ADGRG7: variants seen among roughly 807,000 people sequenced by gnomAD.
ADGRG7 encodes the protein adhesion G protein-coupled receptor G7, also known as G-protein coupled receptor 128.
Under a neutral mutation model 88.6 loss-of-function variants are expected in ADGRG7, and 82 were observed. That is an observed-to-expected ratio of 0.93 (90% confidence interval 0.77 to 1.11). The LOEUF (loss-of-function observed/expected upper bound fraction) is 1.11, where lower values mean the gene tolerates loss of function less well. Ranked by LOEUF, ADGRG7 falls within the 50% of genes most tolerant of loss-of-function variation. The pLI is 0.00. For synonymous variants in ADGRG7, 381 were observed against 345.2 expected (o/e 1.10, Z -1.15); for missense variants, 945 against 953.4 (o/e 0.99, Z 0.12).
At chr3:100,642,854 G>C (rs1393113184) in intron 6 of ADGRG7, among the ~76,000 whole-genome samples, 1 of 152,244 alleles carries the variant, frequency 6.6e-6, no homozygotes, top group Non-Finnish European at 1.5e-5. Flanking sequence ...ATCCTAAGGG[G>C]TTTGGGTGAG....
chr3:100,691,064 C>T (rs952197138), intron 15 of ADGRG7, among the ~76,000 whole-genome samples: 20 of 152,338 alleles, frequency 1.3e-4, no homozygotes, highest in South Asian at 4.1e-4. Context: ...TCAGCAATGG[C>T]GGGCGCCCCT....
At chr3:100,690,587 G>T (rs537187635) in intron 15 of ADGRG7, among the ~76,000 whole-genome samples, 1 of 152,214 alleles carries the variant, frequency 6.6e-6, no homozygotes, top group African/African-American at 2.4e-5. Context: ...CCTTCTAACA[G>T]TCAGGACCCT....
At chr3:100,635,898 T>A in intron 5 of ADGRG7, 72 bp downstream of exon 5, 1 of 1,106,864 alleles carries the variant, frequency 9.0e-7, no homozygotes, top group South Asian at 1.5e-5. Flanking sequence ...GAAAGAGAGA[T>A]GTCCTGAATA....
chr3:100,688,104 G>A (rs920287892), intron 15 of ADGRG7, among the ~76,000 whole-genome samples: 35 of 152,238 alleles, frequency 2.3e-4, no homozygotes, highest in Non-Finnish European at 4.3e-4. Context: ...GTTTAGTCTT[G>A]GGAGAGTGTA....
intron 1 of ADGRG7, among the ~76,000 whole-genome samples, chr3:100,610,915 G>C (rs1718286): frequency 0.92 from 139,752 of 152,162 alleles, 65,421 homozygotes; most frequent in East Asian, 1. Flanking sequence ...CAAAGATCCA[G>C]TGTTGAAGAC....
intron 15 of ADGRG7, among the ~76,000 whole-genome samples, chr3:100,692,513 C>T (rs1353579675): frequency 6.6e-6 from 1 of 152,016 alleles, no homozygotes; most frequent in Non-Finnish European, 1.5e-5. Context: ...AGGTTCGTAA[C>T]AAAGTGTTAA....
At position 100,646,108 on chromosome 3, in the gene ADGRG7, G is replaced by A. The variant is rs572369486; in HGVS notation, c.1110G>A (p.Lys370=). The change falls in exon 9 of 16, where the codon AAG becomes AAA. Residue 370 remains lysine, a splice_region_variant and synonymous_variant. Transcript: ENST00000273352. ...SASVDMVFSP[K]YNQKEFQLYS... The stretch of plus-strand genomic sequence containing the variant: ...CTGTTGACATGGTCTTTAGTCCAAA[G>A]GTGAGTTTTTCATTGCAGATGCAAG... 2 of 1,603,628 alleles carry A rather than the reference G, an allele frequency of 1.2e-6. No individual in the cohort carries two copies. The highest frequency in any genetic ancestry group is 4.5e-5 in the East Asian group (2 of 44,210).
intron 1 of ADGRG7, among the ~76,000 whole-genome samples, chr3:100,621,841 C>T (rs1707315544): frequency 6.6e-6 from 1 of 152,200 alleles, no homozygotes; most frequent in South Asian, 2.1e-4. Flanking sequence ...CAACAAACAT[C>T]TGGCTCCAAA....
At chr3:100,613,722 A>G (rs1168697663) in intron 1 of ADGRG7, among the ~76,000 whole-genome samples, 1 of 152,186 alleles carries the variant, frequency 6.6e-6, no homozygotes, top group African/African-American at 2.4e-5. Context: ...TTAGTGGATT[A>G]TTCCTGGATT....
chr3:100,617,370 T>TC (rs1363358881), intron 1 of ADGRG7, among the ~76,000 whole-genome samples: 2 of 110,134 alleles, frequency 1.8e-5, no homozygotes, highest in East Asian at 6.3e-4. Flanking sequence ...TCCCTTCCCC[T>TC]CCCCCCACCC....
intron 14 of ADGRG7, among the ~76,000 whole-genome samples, chr3:100,666,137 G>T (rs1017019146): frequency 6.6e-6 from 1 of 151,138 alleles, no homozygotes; most frequent in Non-Finnish European, 1.5e-5. Context: ...TGCAACCTCC[G>T]CCTTGAAGGG....
intron 15 of ADGRG7, among the ~76,000 whole-genome samples, chr3:100,684,257 C>CTATTTATT (rs61090159): frequency 0.51 from 74,131 of 144,994 alleles, 20,506 homozygotes; most frequent in East Asian, 0.84. Context: ...TCCATTTTAT[C>CTATTTATT]TATTTATTTA....
chr3:100,619,542 A>T (rs1707277753), intron 1 of ADGRG7, among the ~76,000 whole-genome samples: 1 of 152,228 alleles, frequency 6.6e-6, no homozygotes, highest in African/African-American at 2.4e-5. Flanking sequence ...GCAGAAGGCG[A>T]GAAATAACTA....
intron 6 of ADGRG7, among the ~76,000 whole-genome samples, chr3:100,641,952 G>A (rs1411802834): frequency 6.6e-6 from 1 of 152,184 alleles, no homozygotes. Flanking sequence ...GTGCCAGGTG[G>A]ATGACCACTT....
At chr3:100,642,959 C>G (rs1385909122) in intron 6 of ADGRG7, among the ~76,000 whole-genome samples, 1 of 152,212 alleles carries the variant, frequency 6.6e-6, no homozygotes, top group Non-Finnish European at 1.5e-5. Context: ...CACCATCCTT[C>G]TATGTGAAGA....
intron 1 of ADGRG7, among the ~76,000 whole-genome samples, chr3:100,611,801 C>G (rs1335632518): frequency 6.6e-6 from 1 of 152,152 alleles, no homozygotes; most frequent in East Asian, 1.9e-4. Context: ...ACTATTTTGC[C>G]TTGTACATTT....
intron 15 of ADGRG7, among the ~76,000 whole-genome samples, chr3:100,673,843 G>T (rs189006215): frequency 1.3e-5 from 2 of 151,982 alleles, no homozygotes; most frequent in African/African-American, 4.8e-5. Context: ...TTTTTAAAAG[G>T]GTTTTTCGTG....
intron 13 of ADGRG7, among the ~76,000 whole-genome samples, chr3:100,657,368 C>T (rs917895710): frequency 3.3e-5 from 5 of 152,210 alleles, no homozygotes; most frequent in African/African-American, 4.8e-5. Context: ...TGTGCACTCC[C>T]CTGTTGCTCC....
chr3:100,687,676 T>C (rs2094985247), intron 15 of ADGRG7, among the ~76,000 whole-genome samples: 2 of 152,198 alleles, frequency 1.3e-5, no homozygotes, highest in South Asian at 2.1e-4. Flanking sequence ...TGCTGGATTA[T>C]GTTTATTGAT....
Sources: gnomAD v4.1 joint callset for allele counts (sites outside exome capture counted in the v4.1 genomes callset) on GRCh38, gnomAD v4.1.1 for gene constraint, MANE v1.5 for transcripts, NCBI Gene and HGNC (gene_info 2026-07-23, HGNC 2026-07-21) for gene names.